The following PCDHGA11 variants were observed in gnomAD, a reference collection of about 807,000 sequenced individuals.
The protein encoded by PCDHGA11 is protocadherin gamma subfamily A, 11, also known as protocadherin gamma-A11.
Under a neutral mutation model 60.4 loss-of-function variants are expected in PCDHGA11, and 39 were observed. The observed-to-expected ratio is 0.65, with a 90% CI of 0.50 to 0.84. The LOEUF (loss-of-function observed/expected upper bound fraction) is 0.84. Ranked by LOEUF, PCDHGA11 falls within the 40% of genes least tolerant of loss-of-function variation. PCDHGA11 has a pLI of 0.00. For synonymous variants in PCDHGA11, 533 were observed against 510.3 expected (o/e 1.04, Z -0.60); for missense variants, 1,165 against 1,197.7 (o/e 0.97, Z 0.40).
chr5:141,432,071 AT>A lies in PCDHGA11; in HGVS notation c.2433+8412del. 1 of 1,614,158 alleles carries A rather than the reference AT, an allele frequency of 6.2e-7. No individual in the cohort carries two copies. Among genetic ancestry groups the A allele is most frequent in the Non-Finnish European group, 8.5e-7 (1 of 1,180,032 alleles). ...CCCGCCCCTATCCACGGAAACTCAT[AT>A]CTCGCTGAACGTGGCAGACACCAAC... On this transcript the variant is annotated intron_variant, in intron 1 of 3. Transcript: ENST00000398587. The surrounding 1 kb of genome is among the most constrained non-coding windows in gnomAD (Gnocchi z 6.0).
Position 141,421,344 on chromosome 5 carries a change from G to A in PCDHGA11, c.117G>A (p.Glu39=). The change falls in exon 1 of 4, where the codon GAG becomes GAA. Residue 39 remains glutamate (E), a synonymous_variant. Transcript: ENST00000398587. ...AGATCCGATATTCGGTGCCAGAAGA[G>A]ACCGAAAAGGGCTCCTTCGTGGGCA... ...ARQIRYSVPE[E]TEKGSFVGNI... 6.2e-7 allele frequency: 1 copy of A among 1,613,976 alleles called. No individual in the cohort carries two copies. The highest frequency in any genetic ancestry group is 8.5e-7 in the Non-Finnish European group (1 of 1,179,894).
intron 1 of PCDHGA11, chr5:141,428,594 G>T (rs1317075888): frequency 4.4e-6 from 1 of 227,916 alleles, no homozygotes; most frequent in Admixed American, 5.2e-5. Context: ...CTGGTAGCAA[G>T]CTTCACTGAA....
At chr5:141,496,146 G>A (rs749790409) in intron 2 of PCDHGA11, among the ~76,000 whole-genome samples, 1 of 151,170 alleles carries the variant, frequency 6.6e-6, no homozygotes, top group Non-Finnish European at 1.5e-5. Flanking sequence ...GCCTTTGATC[G>A]CAGCTCTCCA....
chr5:141,498,045 A>G (rs1368474174), intron 2 of PCDHGA11, among the ~76,000 whole-genome samples: 4 of 152,256 alleles, frequency 2.6e-5, no homozygotes, highest in Non-Finnish European at 4.4e-5. Flanking sequence ...AATTACAAAA[A>G]TAAATGTGAG....
At chr5:141,510,658 A>G (rs1162885805) in intron 3 of PCDHGA11, among the ~76,000 whole-genome samples, 1 of 152,178 alleles carries the variant, frequency 6.6e-6, no homozygotes, top group African/African-American at 2.4e-5. Context: ...CATTTTGCAG[A>G]TGAGAAAACT....
chr5:141,476,062 A>G lies in PCDHGA11; in HGVS notation c.2434-18745A>G, dbSNP rs2099384587. On this transcript the variant is annotated intron_variant, in intron 1 of 3. Coordinates refer to ENST00000398587, the MANE Select transcript of PCDHGA11 (RefSeq NM_018914.3). This position sits in a 1 kb window ranked among gnomAD's most constrained non-coding sequence, Gnocchi z 7.6. ...AGCGCTAACCCGCTGAAAGTTTCTC[A>G]GCGAAATCTCAGGGACGATCTGGAC... The G allele has an allele frequency of 1.8e-5, 27 of 1,509,766 alleles. No individual in the cohort carries two copies. Among genetic ancestry groups the G allele is most frequent in the Non-Finnish European group, 2.3e-5 (26 of 1,136,920 alleles). The allele number at this position is 1,509,766 out of a possible 1,614,324, so 93.5% of individuals were successfully genotyped here.
At chr5:141,479,849 C>T (rs1014214860) in intron 1 of PCDHGA11, among the ~76,000 whole-genome samples, 7 of 152,208 alleles carry the variant, frequency 4.6e-5, no homozygotes. Context: ...AAGGTGACTG[C>T]AAGGCCTTTG....
At chr5:141,424,936 C>G (rs1160449329) in intron 1 of PCDHGA11, among the ~76,000 whole-genome samples, 1 of 152,182 alleles carries the variant, frequency 6.6e-6, no homozygotes, top group Non-Finnish European at 1.5e-5. Flanking sequence ...AGTCAACACT[C>G]TCACATCACT....
intron 1 of PCDHGA11, among the ~76,000 whole-genome samples, chr5:141,462,941 G>A (rs1667222225): frequency 6.6e-6 from 1 of 152,158 alleles, no homozygotes; most frequent in Non-Finnish European, 1.5e-5. Flanking sequence ...TTCAAGGCTT[G>A]TTTTTAAGCT....
At chr5:141,495,974 CTCTT>C (rs1562171251) in intron 2 of PCDHGA11, among the ~76,000 whole-genome samples, 2 of 152,032 alleles carry the variant, frequency 1.3e-5, no homozygotes, top group Non-Finnish European at 1.5e-5. Context: ...TTCTCTGTTA[CTCTT>C]TCTTTATCTC....
At position 141,490,341 on chromosome 5, in the gene PCDHGA11, A is replaced by C. The variant is rs778299384; in HGVS notation, c.2434-4466A>C. ...TCCTAGAGAGCACACCAGTGGGCACAGTAGTGGGGTTGTTTAATGTGCGAG... is the reference window on the plus strand; with the variant it reads ...TCCTAGAGAGCACACCAGTGGGCACCGTAGTGGGGTTGTTTAATGTGCGAG... On this transcript the variant is annotated intron_variant, in intron 1 of 3. Coordinates refer to ENST00000398587, the MANE Select transcript of PCDHGA11 (RefSeq NM_018914.3). This position sits in a 1 kb window ranked among gnomAD's most constrained non-coding sequence, Gnocchi z 5.4. The C allele has an allele frequency of 5.0e-6, 8 of 1,614,204 alleles. No homozygotes were observed. The South Asian group carries it at 8.8e-5, about 18-fold the overall frequency.
At chr5:141,430,220 G>A (rs1216694883) in intron 1 of PCDHGA11, among the ~76,000 whole-genome samples, 1 of 148,674 alleles carries the variant, frequency 6.7e-6, no homozygotes, top group Non-Finnish European at 1.5e-5. Flanking sequence ...TATATTATAT[G>A]ATTTGTCAAA....
intron 1 of PCDHGA11, chr5:141,441,988 A>G: frequency 3.7e-6 from 1 of 269,936 alleles, no homozygotes; most frequent in Non-Finnish European, 7.3e-6. Flanking sequence ...ATGCGCACCG[A>G]CGAGGTGCTG....
In PCDHGA11 at chr5:141,487,829, C is replaced by T. The variant is rs528435429; in HGVS notation, c.2434-6978C>T. On this transcript the variant is annotated intron_variant, in intron 1 of 3. Transcript: ENST00000398587. The surrounding 1 kb of genome is among the most constrained non-coding windows in gnomAD (Gnocchi z 5.0). ...GTTTAGCATTGGGGGCGGGTCATGC[C>T]TATATCTGAGTAAGAAATGAAAGTA... The T allele has an allele frequency of 1.1e-4, 125 of 1,182,994 alleles. No homozygotes were observed. In the Middle Eastern group the frequency reaches 3.7e-3, roughly 35 times the overall value. 73.3% of individuals were successfully genotyped at this position (1,182,994 alleles called of 1,614,324 possible).
chr5:141,471,214 A>C (rs757487718), intron 1 of PCDHGA11: 2 of 149,606 alleles, frequency 1.3e-5, no homozygotes, highest in Non-Finnish European at 3.0e-5. Context: ...CATGCCTGGC[A>C]ATTTTTTTGT....
intron 1 of PCDHGA11, chr5:141,427,798 T>C: frequency 6.6e-7 from 1 of 1,506,550 alleles, no homozygotes; most frequent in South Asian, 1.1e-5. Flanking sequence ...TACGTGTCCG[T>C]GAGCGCACAG....
chr5:141,423,802 C>A, intron 1 of PCDHGA11, 142 bp downstream of exon 1: 3 of 1,254,704 alleles, frequency 2.4e-6, no homozygotes, highest in South Asian at 2.9e-5. Context: ...TAGAGCAATA[C>A]ATGTGAGTTT....
At chr5:141,445,900 T>C (rs2098480876) in intron 1 of PCDHGA11, among the ~76,000 whole-genome samples, 1 of 152,224 alleles carries the variant, frequency 6.6e-6, no homozygotes, top group African/African-American at 2.4e-5. Flanking sequence ...TATTAAAATA[T>C]TTTAAACAAG....
At chr5:141,427,304 C>G in intron 1 of PCDHGA11, 1 of 456,910 alleles carries the variant, frequency 2.2e-6, no homozygotes. Flanking sequence ...ATGAGAATGA[C>G]AATGCCCCAG....
Sources: gnomAD v4.1 joint callset for allele counts (sites outside exome capture counted in the v4.1 genomes callset) on GRCh38, gnomAD v4.1.1 for gene constraint, Gnocchi (gnomAD v3.1) non-coding constraint, MANE v1.5 for transcripts, NCBI Gene and HGNC (gene_info 2026-07-23, HGNC 2026-07-21) for gene names.